Variants in DLG1 observed in about 807,000 individuals in gnomAD.
DLG1 encodes the protein discs large MAGUK scaffold protein 1.
DLG1 carries 42 observed loss-of-function variants against 123.4 expected under a neutral mutation model. The ratio of observed to expected loss-of-function variants is 0.34; its 90% confidence interval spans 0.27 to 0.44. The LOEUF (loss-of-function observed/expected upper bound fraction) is 0.44. Among genes scored for constraint, DLG1 ranks in the 20% least tolerant of loss-of-function variants. The pLI is 1.00. For missense variants in DLG1, 942 were observed against 1,082.6 expected, an observed-to-expected ratio of 0.87 and a Z score of 1.82; for synonymous variants, 317 against 356.2, an observed-to-expected ratio of 0.89 and a Z score of 1.24.
intron 4 of DLG1, among the ~76,000 whole-genome samples, chr3:197,268,482 T>C (rs1762595251): frequency 6.6e-6 from 1 of 152,054 alleles, no homozygotes; most frequent in South Asian, 2.1e-4. Flanking sequence ...TGCAGTGGAC[T>C]GATCACAGCT....
Position 197,082,910 on chromosome 3 carries a change from T to C in DLG1, c.1839-1793A>G, listed in dbSNP as rs572643465. On this transcript the variant is annotated intron_variant, in intron 16 of 24. Coordinates refer to ENST00000667157, the MANE Select transcript of DLG1 (RefSeq NM_001366207.1). ...CCAGTGAAGCCAACAGTGTTTATTATTGGGTGTAGGCACAGAAAGCCTTTG... is the reference window on the plus strand; with the variant it reads ...CCAGTGAAGCCAACAGTGTTTATTACTGGGTGTAGGCACAGAAAGCCTTTG... 3.3e-5 allele frequency among the ~76,000 whole-genome samples: 5 copies of C among 152,304 alleles called. No homozygotes were observed. In the East Asian group the frequency reaches 7.7e-4, roughly 23 times the overall value.
At chr3:197,184,573 T>C (rs1714647959) in intron 5 of DLG1, among the ~76,000 whole-genome samples, 1 of 152,334 alleles carries the variant, frequency 6.6e-6, no homozygotes, top group Middle Eastern at 3.4e-3. Flanking sequence ...TGGTTTTTAA[T>C]GATTAACAAC....
At chr3:197,273,862 A>AAAAAAAAC (rs1553804497) in intron 4 of DLG1, among the ~76,000 whole-genome samples, 2 of 150,602 alleles carry the variant, frequency 1.3e-5, no homozygotes, top group African/African-American at 2.4e-5. Flanking sequence ...AAAAAAAAAA[A>AAAAAAAAC]AAACCAAAAC....
rs1192112156 is a variant in DLG1, at chr3:197,044,615, A to C, written c.*8T>G. ...TTGTGGAAAAGAGAAACAGAGAAAC[A>C]TGAGTTTTCATAGCTTTTCTTTTGC... On this transcript the variant is annotated 3_prime_UTR_variant, in exon 25 of 25. Coordinates refer to ENST00000667157, the MANE Select transcript of DLG1 (RefSeq NM_001366207.1). 1 of 1,575,280 alleles carries C rather than the reference A, an allele frequency of 6.3e-7. No homozygotes were observed. Among genetic ancestry groups the C allele is most frequent in the Non-Finnish European group, 8.7e-7 (1 of 1,148,380 alleles).
At position 197,204,501 on chromosome 3, in the gene DLG1, T is replaced by C. The variant is rs149503073; in HGVS notation, c.319-9912A>G. Among the ~76,000 whole-genome samples, 1,290 of 152,306 alleles carry C rather than the reference T, an allele frequency of 8.5e-3. 19 individuals are homozygous for C. The highest frequency in any genetic ancestry group is 0.029 in the African/African-American group (1,219 of 41,566). On this transcript the variant is annotated intron_variant, in intron 4 of 24. Coordinates refer to ENST00000667157, the MANE Select transcript of DLG1 (RefSeq NM_001366207.1). ...ATCAGTGTGTTAATAAAATTAGCTA[T>C]TATATACATTAACTGGGAGCTGGAA... is the stretch of plus-strand genomic sequence containing the variant.
At chr3:197,102,074 C>A (rs889004083) in intron 14 of DLG1, among the ~76,000 whole-genome samples, 2 of 152,164 alleles carry the variant, frequency 1.3e-5, no homozygotes, top group Non-Finnish European at 2.9e-5. Context: ...GATAATGATT[C>A]TCCAAAAAGA....
chr3:197,076,252 T>C (rs573704443), intron 18 of DLG1, among the ~76,000 whole-genome samples: 11 of 152,246 alleles, frequency 7.2e-5, no homozygotes, highest in Admixed American at 5.9e-4. Context: ...TAGCTTCTCA[T>C]GTATTCATGT....
intron 4 of DLG1, among the ~76,000 whole-genome samples, chr3:197,281,306 T>C (rs1169593816): frequency 6.6e-6 from 1 of 152,180 alleles, no homozygotes; most frequent in African/African-American, 2.4e-5. Context: ...CCCAAAGTGC[T>C]GGGATTATAA....
In DLG1 at chr3:197,081,044, T is replaced by C. The variant is rs762969138; in HGVS notation, c.1905+7A>G. On this transcript the variant is annotated splice_region_variant and intron_variant, in intron 17 of 24. Coordinates refer to ENST00000667157, the MANE Select transcript of DLG1 (RefSeq NM_001366207.1). ...ATTACAAAAATGTAGAGATTTCAAA[T>C]ACTCACCCCTTTATCTCTCGTTTTA... 6 of 1,610,644 alleles carry C rather than the reference T, an allele frequency of 3.7e-6. No individual in the cohort carries two copies. The South Asian group carries it at 5.5e-5, about 15-fold the overall frequency.
chr3:197,115,613 G>A (rs1297298692), intron 13 of DLG1, among the ~76,000 whole-genome samples: 4 of 152,124 alleles, frequency 2.6e-5, no homozygotes, highest in Admixed American at 1.3e-4. Context: ...GATCAAGAAG[G>A]TAACAGATTA....
intron 5 of DLG1, among the ~76,000 whole-genome samples, chr3:197,177,161 C>A (rs764550589): frequency 9.9e-5 from 15 of 151,992 alleles, no homozygotes; most frequent in Non-Finnish European, 2.1e-4. Context: ...AAGTCTGAGT[C>A]ATCATATTAA....
intron 11 of DLG1, among the ~76,000 whole-genome samples, chr3:197,126,653 G>A (rs1362796053): frequency 6.6e-6 from 1 of 152,146 alleles, no homozygotes; most frequent in African/African-American, 2.4e-5. Context: ...GCTAGAGGAA[G>A]TATATGTAAG....
rs1247639968 is a variant in DLG1, at chr3:197,090,895, G to A, written c.1661+17C>T. The A allele has an allele frequency of 4.1e-6, 6 of 1,471,190 alleles. No homozygotes were observed. In the South Asian group the frequency reaches 5.1e-5, roughly 12 times the overall value. 91.1% of individuals were successfully genotyped at this position (1,471,190 alleles called of 1,614,324 possible). ...AACTAATTAAGATTTGCCATAATTAGAAGTAAAAAAATTTACCTGACATAG... is the reference window on the plus strand; with the variant it reads ...AACTAATTAAGATTTGCCATAATTAAAAGTAAAAAAATTTACCTGACATAG... On this transcript the variant is annotated intron_variant, in intron 15 of 24. Transcript: ENST00000667157.
intron 4 of DLG1, among the ~76,000 whole-genome samples, chr3:197,254,991 G>A (rs1756171973): frequency 2.6e-5 from 4 of 152,124 alleles, no homozygotes; most frequent in African/African-American, 9.7e-5. Context: ...GGAAGGTGGA[G>A]GTTGCAGTGA....
chr3:197,100,889 G>A (rs1043810445), intron 14 of DLG1, among the ~76,000 whole-genome samples: 7 of 152,152 alleles, frequency 4.6e-5, no homozygotes, highest in African/African-American at 7.2e-5. Flanking sequence ...TTAGACAAAT[G>A]TCATCACAAA....
intron 4 of DLG1, among the ~76,000 whole-genome samples, chr3:197,206,202 C>G (rs930859884): frequency 6.6e-6 from 1 of 151,964 alleles, no homozygotes; most frequent in Non-Finnish European, 1.5e-5. Context: ...AAATCCATGA[C>G]GTAAAGGGTC....
intron 23 of DLG1, among the ~76,000 whole-genome samples, 162 bp downstream of exon 23, chr3:197,059,727 C>G (rs1490319562): frequency 6.6e-6 from 1 of 151,026 alleles, no homozygotes; most frequent in African/African-American, 2.4e-5. Flanking sequence ...CAATTTATAA[C>G]CCATAGTGCT....
intron 5 of DLG1, among the ~76,000 whole-genome samples, chr3:197,158,634 CAAAAAAAAAAAA>C (rs71623339): frequency 3.0e-5 from 2 of 67,476 alleles, no homozygotes; most frequent in Admixed American, 2.1e-4. Flanking sequence ...AACTCCATTT[CAAAAAAAAAAAA>C]AAAAAAAAAA....
chr3:197,120,845 T>G (rs970977326), intron 11 of DLG1, among the ~76,000 whole-genome samples: 1 of 152,166 alleles, frequency 6.6e-6, no homozygotes, highest in Non-Finnish European at 1.5e-5. Context: ...AGATGCTCGT[T>G]TGTATTTGAG....
Sources: allele counts gnomAD v4.1 joint callset (sites outside exome capture counted in the v4.1 genomes callset), GRCh38; gene constraint gnomAD v4.1.1; transcripts MANE v1.5; gene names NCBI Gene and HGNC (gene_info 2026-07-23, HGNC 2026-07-21).